The following DROSHA variants were observed in gnomAD, a reference collection of about 807,000 sequenced individuals.
DROSHA encodes drosha ribonuclease III, also known as ribonuclease 3.
A neutral mutation model predicts 181.9 loss-of-function variants in DROSHA; 56 were observed. The ratio of observed to expected loss-of-function variants is 0.31; its 90% CI spans 0.25 to 0.38. The LOEUF (loss-of-function observed/expected upper bound fraction) is 0.38, where lower values mean the gene tolerates loss of function less well. Ranked by LOEUF, DROSHA falls within the 10% of genes least tolerant of loss-of-function variation. DROSHA has a pLI of 1.00. For missense variants in DROSHA, 1,218 were observed against 1,743.5 expected (o/e 0.70, Z 5.37); for synonymous variants, 524 against 591.2 (o/e 0.89, Z 1.65).
chr5:31,427,556 G>A (rs780881959), intron 27 of DROSHA, among the ~76,000 whole-genome samples: 12 of 152,138 alleles, frequency 7.9e-5, no homozygotes, highest in South Asian at 2.1e-4. Flanking sequence ...AAGGATCACC[G>A]CAGATACTTA....
intron 16 of DROSHA, among the ~76,000 whole-genome samples, chr5:31,478,205 C>A (rs1750627538): frequency 6.6e-6 from 1 of 152,168 alleles, no homozygotes; most frequent in Admixed American, 6.5e-5. Context: ...ATGGACTAAA[C>A]CAGGAATGTC....
intron 28 of DROSHA, 48 bp from the exon 29 acceptor site, chr5:31,422,992 G>T: frequency 1.4e-6 from 2 of 1,450,882 alleles, no homozygotes; most frequent in Non-Finnish European, 9.1e-7. Context: ...ATTTTTGGTT[G>T]TAAGTGCAAT....
In DROSHA at chr5:31,493,285, C is replaced by T. The variant is rs776354955; in HGVS notation, c.1764G>A (p.Arg588=). Residue 588 remains arginine, a synonymous_variant, in exon 13 of 36, where the codon AGG becomes AGA. Transcript: ENST00000344624. The stretch of plus-strand genomic sequence containing the variant: ...GATCATCGTATTCTATAACAGTTGG[C>T]CTGTCAGTCTAAAAGCAAACAGAAA... ...VSPPTNFLTD[R]PTVIEYDDHE... is the part of the protein sequence containing the mutation. 6.3e-6 allele frequency: 10 copies of T among 1,597,680 alleles called. No individual in the cohort carries two copies. Among genetic ancestry groups the T allele is most frequent in the Middle Eastern group, 1.6e-4 (1 of 6,074 alleles).
chr5:31,460,845 C>T (rs975640752), intron 20 of DROSHA, among the ~76,000 whole-genome samples: 6 of 151,986 alleles, frequency 3.9e-5, no homozygotes, highest in African/African-American at 1.5e-4. Flanking sequence ...CAAAAGAAAA[C>T]ATTTATTCTA....
In DROSHA at chr5:31,435,761, A is replaced by T; in HGVS notation, c.3042+4T>A. 2 of 1,613,354 alleles carry T rather than the reference A, an allele frequency of 1.2e-6. No individual in the cohort carries two copies. Among genetic ancestry groups the T allele is most frequent in the Non-Finnish European group, 1.7e-6 (2 of 1,179,578 alleles). Reference sequence around the variant, plus strand: ...ACTACAAATGCTGCAGATGTCTTCTATACCTTTGCTAGCATGGCAAGGTGC... The same window carrying T: ...ACTACAAATGCTGCAGATGTCTTCTTTACCTTTGCTAGCATGGCAAGGTGC... On this transcript the variant is annotated splice_donor_region_variant and intron_variant, in intron 25 of 35. Transcript: ENST00000344624.
intron 5 of DROSHA, among the ~76,000 whole-genome samples, chr5:31,522,280 T>C (rs539740989): frequency 4.3e-4 from 65 of 152,328 alleles, no homozygotes; most frequent in Middle Eastern, 3.4e-3. Flanking sequence ...CTTCATCTCA[T>C]ACACTTCTAA....
intron 21 of DROSHA, 47 bp from the exon 22 acceptor site, chr5:31,449,466 G>T (rs1489289638): frequency 6.5e-7 from 1 of 1,533,360 alleles, no homozygotes; most frequent in South Asian, 1.2e-5. Context: ...AGCATAAACT[G>T]GGTGCAGTGG....
At chr5:31,517,268 C>T (rs867506916) in intron 6 of DROSHA, among the ~76,000 whole-genome samples, 10 of 152,066 alleles carry the variant, frequency 6.6e-5, no homozygotes, top group Admixed American at 2.6e-4. Context: ...GCATTGTAAC[C>T]GTTTCCAGTT....
At chr5:31,418,792 C>T (rs1742282592) in intron 30 of DROSHA, among the ~76,000 whole-genome samples, 1 of 152,086 alleles carries the variant, frequency 6.6e-6, no homozygotes, top group South Asian at 2.1e-4. Context: ...ACATGCAACA[C>T]TGAATGGGTG....
chr5:31,413,096 C>A (rs1741519129), intron 30 of DROSHA, among the ~76,000 whole-genome samples: 2 of 152,212 alleles, frequency 1.3e-5, no homozygotes, highest in South Asian at 4.1e-4. Context: ...CCAGGCCCCA[C>A]CTGCCACCTT....
chr5:31,426,016 C>A (rs1743422689), intron 27 of DROSHA, among the ~76,000 whole-genome samples: 1 of 152,110 alleles, frequency 6.6e-6, no homozygotes, highest in African/African-American at 2.4e-5. Context: ...TTCCAACCAA[C>A]CCCAGTCTCC....
At chr5:31,517,434 T>A (rs1368247288) in intron 6 of DROSHA, among the ~76,000 whole-genome samples, 1 of 152,202 alleles carries the variant, frequency 6.6e-6, no homozygotes, top group East Asian at 1.9e-4. Flanking sequence ...TTAACACAAT[T>A]TTTAATTCTC....
At chr5:31,405,383 A>G (rs1381088994) in intron 35 of DROSHA, among the ~76,000 whole-genome samples, 1 of 151,984 alleles carries the variant, frequency 6.6e-6, no homozygotes, top group African/African-American at 2.4e-5. Flanking sequence ...CTCAAAAAAA[A>G]AAAAAAGAAA....
chr5:31,453,467 G>A lies in DROSHA; in HGVS notation c.2575-1827C>T, dbSNP rs568410489. Among the ~76,000 whole-genome samples the A allele has an allele frequency of 9.9e-5, 15 of 152,244 alleles. No homozygotes were observed. The East Asian group carries it at 2.7e-3, about 27-fold the overall frequency. Reference sequence around the variant, plus strand: ...TCAGCCTGTCTCAGCCTCCCAAAGTGCTAAGATTACATAGGTGTGAGCCAC... The same window carrying A: ...TCAGCCTGTCTCAGCCTCCCAAAGTACTAAGATTACATAGGTGTGAGCCAC... On this transcript the variant is annotated intron_variant, in intron 20 of 35. Transcript: ENST00000344624.
intron 16 of DROSHA, among the ~76,000 whole-genome samples, chr5:31,475,519 C>T (rs768756643): frequency 2.0e-5 from 3 of 152,044 alleles, no homozygotes; most frequent in Non-Finnish European, 1.5e-5. Context: ...TGCCAGAATA[C>T]GTTGTCTATA....
At position 31,484,011 on chromosome 5, in the gene DROSHA, T is replaced by G. The variant is rs967745050; in HGVS notation, c.1997-383A>C. ...TTTAATCACTACACTAAAAAAAAAA[T>G]GTTGAGAAATGCTATCAGTTTGAAA... On this transcript the variant is annotated intron_variant, in intron 15 of 35. Coordinates refer to ENST00000344624, the MANE Select transcript of DROSHA (RefSeq NM_001382508.1). Among the ~76,000 whole-genome samples the G allele has an allele frequency of 1.3e-5, 2 of 151,408 alleles. 1 individual carries two copies.
intron 3 of DROSHA, 55 bp from the exon 4 acceptor site, chr5:31,529,160 C>T (rs906121516): frequency 2.0e-6 from 3 of 1,471,004 alleles, no homozygotes; most frequent in East Asian, 2.4e-5. Flanking sequence ...ACTGCCAATG[C>T]TACAAAATAT....
intron 11 of DROSHA, among the ~76,000 whole-genome samples, chr5:31,496,013 G>A (rs1373981162): frequency 2.0e-5 from 3 of 152,222 alleles, no homozygotes; most frequent in African/African-American, 7.2e-5. Flanking sequence ...GTGAGCTGCA[G>A]CTGGAAACAC....
Position 31,437,212 on chromosome 5 carries a change from T to C in DROSHA, c.2942+27A>G, listed in dbSNP as rs766526684. ...CCTATAAAATGTAATTATTGAGGAA[T>C]TGTAAAAAACAAAAAAGCCTAATTA... On this transcript the variant is annotated intron_variant, in intron 24 of 35. Transcript: ENST00000344624. 6 of 1,553,930 alleles carry C rather than the reference T, an allele frequency of 3.9e-6. No individual in the cohort carries two copies. In the South Asian group the frequency reaches 4.8e-5, roughly 12 times the overall value.
Sources: gnomAD v4.1 joint callset for allele counts (sites outside exome capture counted in the v4.1 genomes callset) on GRCh38, gnomAD v4.1.1 for gene constraint, MANE v1.5 for transcripts, NCBI Gene and HGNC (gene_info 2026-07-23, HGNC 2026-07-21) for gene names.